The following CSMD1 variants were observed in gnomAD, a reference collection of about 807,000 sequenced individuals.
CSMD1 encodes CUB and sushi domain-containing protein 1.
A neutral mutation model predicts 417.5 loss-of-function variants in CSMD1; 213 were observed. The observed-to-expected ratio is 0.51, with a 90% CI of 0.46 to 0.57. The LOEUF is 0.57. CSMD1 is among the 20% of genes least tolerant of loss of function. The probability of loss-of-function intolerance (pLI) is 0.00; values close to 1 mark genes in which losing one functional copy is unlikely to be tolerated. For synonymous variants in CSMD1, 2,862 were observed against 1,736.8 expected (o/e 1.65, Z -16.11); for missense variants, 6,923 against 4,529.7 (o/e 1.53, Z -15.17).
At chr8:3,989,472 A>C (rs1300357491) in intron 5 of CSMD1, among the ~76,000 whole-genome samples, 3 of 152,192 alleles carry the variant, frequency 2.0e-5, no homozygotes, top group African/African-American at 7.2e-5. Flanking sequence ...GGTAACACAG[A>C]CAAAAAACCT....
At chr8:3,048,854 C>G (rs1811631258) in intron 50 of CSMD1, among the ~76,000 whole-genome samples, 2 of 148,320 alleles carry the variant, frequency 1.3e-5, no homozygotes, top group African/African-American at 5.0e-5. Context: ...GAACTGGTAT[C>G]TAAACTATAT....
chr8:3,985,443 CT>C (rs1250465758), intron 5 of CSMD1, among the ~76,000 whole-genome samples: 1 of 152,026 alleles, frequency 6.6e-6, no homozygotes, highest in Non-Finnish European at 1.5e-5. Context: ...ACAAACACAC[CT>C]GGGCGTGCAC....
In CSMD1 at chr8:3,957,830, A is replaced by G. The variant is rs1812066041; in HGVS notation, c.818+40073T>C. On this transcript the variant is annotated intron_variant, in intron 5 of 69. Transcript: ENST00000635120. The stretch of plus-strand genomic sequence containing the variant: ...TAAAGCTCAGAGGAAATGAAGGGAT[A>G]ATCACAAATTATGTAGCCCATAAGA... 2.0e-5 allele frequency among the ~76,000 whole-genome samples: 3 copies of G among 152,240 alleles called. 1 individual carries two copies. The South Asian group carries it at 6.2e-4, about 31-fold the overall frequency.
intron 3 of CSMD1, among the ~76,000 whole-genome samples, chr8:4,332,243 GCCA>G (rs1267186633): frequency 6.6e-6 from 1 of 152,094 alleles, no homozygotes; most frequent in African/African-American, 2.4e-5. Flanking sequence ...GCTAGCCATT[GCCA>G]CCACATCTTA....
intron 3 of CSMD1, among the ~76,000 whole-genome samples, chr8:4,239,257 T>C (rs747624892): frequency 2.0e-5 from 3 of 152,238 alleles, no homozygotes; most frequent in African/African-American, 7.2e-5. Context: ...CAGTGGATGC[T>C]GAGGTTGGAT....
intron 8 of CSMD1, among the ~76,000 whole-genome samples, chr8:3,605,415 A>G (rs1282993043): frequency 6.6e-6 from 1 of 152,236 alleles, no homozygotes; most frequent in Non-Finnish European, 1.5e-5. Flanking sequence ...GAGTTGACCT[A>G]CAATGGAGAA....
chr8:4,264,541 C>G (rs1356308202), intron 3 of CSMD1, among the ~76,000 whole-genome samples: 1 of 152,102 alleles, frequency 6.6e-6, no homozygotes, highest in African/African-American at 2.4e-5. Flanking sequence ...TTACTTAAAG[C>G]CCTGTTTTTA....
chr8:3,110,041 C>T, intron 43 of CSMD1, 117 bp downstream of exon 43: 2 of 854,612 alleles, frequency 2.3e-6, no homozygotes, highest in Non-Finnish European at 3.5e-6. Context: ...TGAATTTCTT[C>T]TCTAGTATCT....
chr8:3,954,629 T>G (rs1811814230), intron 5 of CSMD1, among the ~76,000 whole-genome samples: 1 of 152,358 alleles, frequency 6.6e-6, no homozygotes. Context: ...CCCAAAGTTT[T>G]GGGATTACAG....
intron 2 of CSMD1, among the ~76,000 whole-genome samples, chr8:4,518,508 T>A (rs977516777): frequency 6.6e-6 from 1 of 150,784 alleles, no homozygotes; most frequent in Non-Finnish European, 1.5e-5. Flanking sequence ...CAGAAAACTA[T>A]CGCAAGGACA....
chr8:3,590,253 A>G (rs1800789484), intron 8 of CSMD1, among the ~76,000 whole-genome samples: 1 of 152,144 alleles, frequency 6.6e-6, no homozygotes, highest in Non-Finnish European at 1.5e-5. Flanking sequence ...GTATCACAAT[A>G]CAAATTTTTG....
chr8:4,363,408 T>A (rs1801889108), intron 3 of CSMD1, among the ~76,000 whole-genome samples: 1 of 152,240 alleles, frequency 6.6e-6, no homozygotes, highest in South Asian at 2.1e-4. Context: ...AAAAATGTTC[T>A]GGCCTCCAGG....
At chr8:3,054,001 A>G (rs1446288869) in intron 49 of CSMD1, among the ~76,000 whole-genome samples, 2 of 152,306 alleles carry the variant, frequency 1.3e-5, no homozygotes, top group Non-Finnish European at 2.9e-5. Context: ...AATGTATATA[A>G]ACACATAATT....
intron 1 of CSMD1, among the ~76,000 whole-genome samples, chr8:4,704,048 G>T (rs960505602): frequency 1.3e-5 from 2 of 152,196 alleles, no homozygotes; most frequent in Non-Finnish European, 2.9e-5. Flanking sequence ...CAGTAATGCT[G>T]GTTCCCTGGC....
chr8:2,961,511 G>C (rs1056847290), intron 61 of CSMD1, among the ~76,000 whole-genome samples: 1 of 151,710 alleles, frequency 6.6e-6, no homozygotes, highest in African/African-American at 2.4e-5. Context: ...TTTGGTCAAT[G>C]ATATACTATC....
chr8:4,520,238 G>T (rs1393723178), intron 2 of CSMD1, among the ~76,000 whole-genome samples: 1 of 151,962 alleles, frequency 6.6e-6, no homozygotes, highest in Non-Finnish European at 1.5e-5. Flanking sequence ...TATTTTACCT[G>T]GGCTTTTGGG....
chr8:3,813,860 C>A (rs1801223600), intron 5 of CSMD1, among the ~76,000 whole-genome samples: 1 of 152,056 alleles, frequency 6.6e-6, no homozygotes, highest in South Asian at 2.1e-4. Flanking sequence ...TTCTATCAGA[C>A]AAGAGAAAAA....
chr8:3,264,433 C>CA (rs1801291194), intron 26 of CSMD1, among the ~76,000 whole-genome samples: 2 of 152,100 alleles, frequency 1.3e-5, no homozygotes, highest in Admixed American at 6.5e-5. Flanking sequence ...ACACAAGTGT[C>CA]AGGAGAATCT....
At chr8:4,660,734 G>A (rs1383004355) in intron 1 of CSMD1, among the ~76,000 whole-genome samples, 2 of 151,962 alleles carry the variant, frequency 1.3e-5, no homozygotes, top group East Asian at 1.9e-4. Context: ...ATTTGACAAA[G>A]GACTAACATC....
Sources: gnomAD v4.1 joint callset for allele counts (sites outside exome capture counted in the v4.1 genomes callset) on GRCh38, gnomAD v4.1.1 for gene constraint, MANE v1.5 for transcripts, NCBI Gene and HGNC (gene_info 2026-07-23, HGNC 2026-07-21) for gene names.